Variants in CDC42BPA observed in about 807,000 individuals in gnomAD.
CDC42BPA encodes the protein serine/threonine-protein kinase MRCK alpha.
In CDC42BPA, 80 loss-of-function variants were observed where a neutral mutation model predicts 223.5. The observed-to-expected ratio is 0.36, with a 90% CI of 0.30 to 0.43. The LOEUF is 0.43. CDC42BPA is among the 20% of genes least tolerant of loss of function. The pLI is 1.00. For synonymous variants in CDC42BPA, 694 were observed against 718.6 expected (o/e 0.97, Z 0.55); for missense variants, 1,743 against 2,099.9 (o/e 0.83, Z 3.32).
intron 5 of CDC42BPA, among the ~76,000 whole-genome samples, chr1:227,185,163 T>TA (rs1553382343): frequency 5.0e-4 from 72 of 144,780 alleles, no homozygotes; most frequent in East Asian, 4.1e-3. Context: ...TTTTTTTTTT[T>TA]AAAAAAACAA....
chr1:226,991,092 A>G lies in CDC42BPA; in HGVS notation c.*3176T>C, dbSNP rs59349491. The G allele has an allele frequency of 6.7e-3, 1,016 of 152,756 alleles. 24 individuals are homozygous for G. Among genetic ancestry groups the G allele is most frequent in the Admixed American group, 0.04 (618 of 15,298 alleles). 9.5% of individuals were successfully genotyped at this position (152,756 alleles called of 1,614,324 possible). ...AAGACTTTTGTTTTTGGCAAAAAGA[A>G]TATATATGTATGTAATTTTAAATAC... On this transcript the variant is annotated 3_prime_UTR_variant, in exon 37 of 37. Transcript: ENST00000366766.
chr1:227,011,074 C>T (rs12403978), intron 34 of CDC42BPA: 5 of 1,299,446 alleles, frequency 3.8e-6, no homozygotes, highest in Middle Eastern at 2.2e-4. Context: ...CTATCAAAAA[C>T]AAAAGAAAGA....
intron 2 of CDC42BPA, among the ~76,000 whole-genome samples, chr1:227,217,009 T>C (rs888225840): frequency 1.3e-5 from 2 of 152,166 alleles, no homozygotes; most frequent in Non-Finnish European, 2.9e-5. Context: ...TAGTTACAAA[T>C]TGCAGTTACA....
intron 10 of CDC42BPA, among the ~76,000 whole-genome samples, chr1:227,134,842 A>C (rs564414178): frequency 2.6e-5 from 4 of 152,344 alleles, no homozygotes; most frequent in East Asian, 1.9e-4. Flanking sequence ...TTTAAAAAAA[A>C]CCCAAAACAT....
At chr1:227,048,850 A>G (rs977112436) in intron 22 of CDC42BPA, among the ~76,000 whole-genome samples, 4 of 151,728 alleles carry the variant, frequency 2.6e-5, no homozygotes, top group Admixed American at 2.6e-4. Context: ...AAAGAACAGA[A>G]TATTTTAAAA....
chr1:227,078,959 A>G (rs1680060915), intron 17 of CDC42BPA, among the ~76,000 whole-genome samples: 1 of 152,130 alleles, frequency 6.6e-6, no homozygotes, highest in African/African-American at 2.4e-5. Context: ...CCCAAAATCC[A>G]AAAGAAATCC....
At chr1:227,016,641 T>A (rs773917918) in intron 33 of CDC42BPA, among the ~76,000 whole-genome samples, 2 of 149,828 alleles carry the variant, frequency 1.3e-5, no homozygotes, top group African/African-American at 2.5e-5. Flanking sequence ...CCTATGCTTA[T>A]ACTGTAGAAA....
At chr1:227,257,202 T>A (rs988902421) in intron 1 of CDC42BPA, among the ~76,000 whole-genome samples, 1 of 152,158 alleles carries the variant, frequency 6.6e-6, no homozygotes, top group Admixed American at 6.5e-5. Context: ...TGAAAACTTA[T>A]GGCTTAATGG....
At chr1:227,204,949 T>C (rs1672397417) in intron 3 of CDC42BPA, among the ~76,000 whole-genome samples, 1 of 149,380 alleles carries the variant, frequency 6.7e-6, no homozygotes, top group South Asian at 2.2e-4. Context: ...AAAAAAAAAA[T>C]CAACCTAATA....
At chr1:227,162,303 G>C (rs190243053) in intron 5 of CDC42BPA, among the ~76,000 whole-genome samples, 9 of 152,030 alleles carry the variant, frequency 5.9e-5, no homozygotes, top group Admixed American at 4.6e-4. Flanking sequence ...AGACATTACA[G>C]ATAGTACTGA....
intron 8 of CDC42BPA, 103 bp downstream of exon 8, chr1:227,145,386 T>C (rs1246023378): frequency 4.1e-6 from 4 of 980,158 alleles, no homozygotes; most frequent in Non-Finnish European, 3.0e-6. Context: ...TAACTGATCA[T>C]TGTAAAATCA....
At chr1:227,281,235 C>T (rs968635909) in intron 1 of CDC42BPA, among the ~76,000 whole-genome samples, 3 of 152,150 alleles carry the variant, frequency 2.0e-5, no homozygotes, top group African/African-American at 4.8e-5. Context: ...ATCATTAGAA[C>T]GCTTTCTCGT....
At chr1:227,256,014 A>T (rs1351049533) in intron 1 of CDC42BPA, among the ~76,000 whole-genome samples, 1 of 152,202 alleles carries the variant, frequency 6.6e-6, no homozygotes, top group African/African-American at 2.4e-5. Flanking sequence ...TTTGCAAATC[A>T]TGTATCTACT....
chr1:227,041,755 C>T (rs946531661), intron 23 of CDC42BPA, among the ~76,000 whole-genome samples: 3 of 152,144 alleles, frequency 2.0e-5, no homozygotes, highest in South Asian at 2.1e-4. Flanking sequence ...AAGTTCCTCA[C>T]GATCTTTTGG....
chr1:227,139,753 G>GAA lies in CDC42BPA; in HGVS notation c.1224-13_1224-12dup. On this transcript the variant is annotated splice_polypyrimidine_tract_variant and intron_variant, in intron 9 of 36. Coordinates refer to ENST00000366766, the MANE Select transcript of CDC42BPA (RefSeq NM_001394014.1). ...CGATCAGAAAGTACACTGAAGAAAAGAAAAAAAAATGTAGGTTCATACTGT... is the reference window on the plus strand; with the variant it reads ...CGATCAGAAAGTACACTGAAGAAAAGAAAAAAAAAAATGTAGGTTCATACTGT... 3 of 1,466,904 alleles carry GAA rather than the reference G, an allele frequency of 2.0e-6. No homozygotes were observed. The highest frequency in any genetic ancestry group is 1.8e-6 in the Non-Finnish European group (2 of 1,108,450). 90.9% of individuals were successfully genotyped at this position (1,466,904 alleles called of 1,614,324 possible). A position where few individuals can be genotyped will look rare whatever the true frequency, so the allele number is the denominator to read the frequency against.
intron 5 of CDC42BPA, among the ~76,000 whole-genome samples, chr1:227,179,782 GAAA>G (rs5781474): frequency 2.7e-5 from 4 of 148,628 alleles, no homozygotes; most frequent in Non-Finnish European, 5.9e-5. Flanking sequence ...AAAAAAGTTT[GAAA>G]AAAAAAAAGT....
chr1:227,000,642 G>A (rs1662627852), intron 35 of CDC42BPA, among the ~76,000 whole-genome samples: 2 of 152,126 alleles, frequency 1.3e-5, no homozygotes, highest in Admixed American at 1.3e-4. Flanking sequence ...GGTGTGTGCT[G>A]GCCCACACTG....
rs1330932788 is a variant in CDC42BPA, at chr1:227,317,227, A to G, written c.-45T>C. 2 of 1,562,600 alleles carry G rather than the reference A, an allele frequency of 1.3e-6. No individual in the cohort carries two copies. Among genetic ancestry groups the G allele is most frequent in the Non-Finnish European group, 1.7e-6 (2 of 1,153,394 alleles). On this transcript the variant is annotated 5_prime_UTR_variant, in exon 1 of 37. Coordinates refer to ENST00000366766, the MANE Select transcript of CDC42BPA (RefSeq NM_001394014.1). ...GGTTTTCCTTTAAATTATTATGATG[A>G]CTTTTACTATTATCTGAACCTAAAT...
chr1:227,059,289 A>T, intron 21 of CDC42BPA: 1 of 1,112,898 alleles, frequency 9.0e-7, no homozygotes, highest in Non-Finnish European at 1.3e-6. Flanking sequence ...CAAAAACATT[A>T]ACAGGTTCCG....
Sources: allele counts gnomAD v4.1 joint callset (sites outside exome capture counted in the v4.1 genomes callset), GRCh38; gene constraint gnomAD v4.1.1; transcripts MANE v1.5; gene names NCBI Gene and HGNC (gene_info 2026-07-23, HGNC 2026-07-21).